Variants in WDPCP observed in about 807,000 individuals in gnomAD.
WDPCP encodes the protein WD repeat containing planar cell polarity effector, also known as WD repeat-containing and planar cell polarity effector protein fritz homolog.
Under a neutral mutation model 93.1 loss-of-function variants are expected in WDPCP, and 71 were observed. That is an observed-to-expected ratio of 0.76 (90% CI 0.63 to 0.93). WDPCP has a LOEUF of 0.93. Among genes scored for constraint, WDPCP ranks in the 40% least tolerant of loss-of-function variants. The pLI, the probability that WDPCP is intolerant of heterozygous loss-of-function variation, is 0.00. For synonymous variants in WDPCP, 315 were observed against 315.0 expected, an observed-to-expected ratio of 1.00 and a Z score of 0.00; for missense variants, 844 against 887.4, an observed-to-expected ratio of 0.95 and a Z score of 0.62.
intron 14 of WDPCP, among the ~76,000 whole-genome samples, chr2:63,247,116 C>T (rs1023670164): frequency 9.2e-5 from 14 of 152,160 alleles, no homozygotes; most frequent in African/African-American, 2.2e-4. Context: ...AAAATGCCAT[C>T]GAACAGGATT....
intron 17 of WDPCP, among the ~76,000 whole-genome samples, chr2:63,123,576 TAA>T (rs1012714021): frequency 6.4e-4 from 98 of 152,238 alleles, no homozygotes; most frequent in African/African-American, 2.3e-3. Flanking sequence ...CATTGCATTT[TAA>T]AAAGACTTCA....
intron 2 of WDPCP, among the ~76,000 whole-genome samples, chr2:63,655,035 G>C (rs941203845): frequency 6.6e-6 from 1 of 152,092 alleles, no homozygotes; most frequent in African/African-American, 2.4e-5. Flanking sequence ...AGAGACTAGA[G>C]AATCACTCAC....
intron 17 of WDPCP, among the ~76,000 whole-genome samples, chr2:63,141,429 T>TAC (rs1307871429): frequency 3.3e-5 from 5 of 152,242 alleles, no homozygotes; most frequent in African/African-American, 9.6e-5. Flanking sequence ...TTGGCTTGCA[T>TAC]ATGTTAAACC....
chr2:63,481,457 C>A, intron 6 of WDPCP, among the ~76,000 whole-genome samples: 1 of 152,002 alleles, frequency 6.6e-6, no homozygotes, highest in South Asian at 2.1e-4. Flanking sequence ...TTTGCAGCAG[C>A]ACAATTCGCA....
intron 6 of WDPCP, among the ~76,000 whole-genome samples, chr2:63,452,365 C>G (rs913102195): frequency 6.6e-6 from 1 of 152,126 alleles, no homozygotes; most frequent in Non-Finnish European, 1.5e-5. Context: ...GAATAAAATA[C>G]CTAGGAATCC....
At chr2:63,384,952 T>C (rs961700731) in intron 10 of WDPCP, among the ~76,000 whole-genome samples, 1 of 151,934 alleles carries the variant, frequency 6.6e-6, no homozygotes, top group African/African-American at 2.4e-5. Flanking sequence ...AATCCAGCAA[T>C]ATATTAAAAA....
At chr2:63,681,034 A>C (rs1052494095) in intron 2 of WDPCP, among the ~76,000 whole-genome samples, 2 of 152,152 alleles carry the variant, frequency 1.3e-5, no homozygotes, top group African/African-American at 4.8e-5. Context: ...TGAAACCAGC[A>C]ATGATACCCT....
At chr2:63,761,564 T>A (rs190127165) in intron 2 of WDPCP, among the ~76,000 whole-genome samples, 2 of 151,786 alleles carry the variant, frequency 1.3e-5, no homozygotes, top group Non-Finnish European at 2.9e-5. Context: ...GGAGAGCCAG[T>A]CCAAGTGCCA....
chr2:63,503,735 G>A (rs1701698694), intron 1 of WDPCP, among the ~76,000 whole-genome samples: 1 of 151,946 alleles, frequency 6.6e-6, no homozygotes, highest in Non-Finnish European at 1.5e-5. Flanking sequence ...TAACTTTGAA[G>A]AGAAAATAAA....
chr2:63,347,125 C>T (rs950825068), intron 12 of WDPCP, among the ~76,000 whole-genome samples: 2 of 152,114 alleles, frequency 1.3e-5, no homozygotes, highest in Non-Finnish European at 2.9e-5. Flanking sequence ...CTTCTGTGTA[C>T]TAGTTACTAT....
At chr2:63,192,234 C>T (rs563489333) in intron 14 of WDPCP, among the ~76,000 whole-genome samples, 1 of 152,244 alleles carries the variant, frequency 6.6e-6, no homozygotes, top group African/African-American at 2.4e-5. Flanking sequence ...GTTTAACTAT[C>T]TGTGATCTTA....
intron 15 of WDPCP, among the ~76,000 whole-genome samples, chr2:63,158,642 C>T (rs1238163985): frequency 6.6e-6 from 1 of 152,066 alleles, no homozygotes; most frequent in Non-Finnish European, 1.5e-5. Context: ...GCATTGCATT[C>T]TTTATCCTCT....
At chr2:63,623,687 C>G (rs1709775148) in intron 3 of WDPCP, among the ~76,000 whole-genome samples, 1 of 152,130 alleles carries the variant, frequency 6.6e-6, no homozygotes, top group Non-Finnish European at 1.5e-5. Context: ...ATTCATAAAG[C>G]AAGTTCTTAG....
At chr2:63,310,409 G>A (rs973114179) in intron 13 of WDPCP, among the ~76,000 whole-genome samples, 7 of 151,796 alleles carry the variant, frequency 4.6e-5, no homozygotes, top group Admixed American at 6.6e-5. Flanking sequence ...GCCTTGTCTC[G>A]TTTCAGTTTA....
chr2:63,547,917 A>G (rs1365460955), intron 1 of WDPCP, among the ~76,000 whole-genome samples: 1 of 152,118 alleles, frequency 6.6e-6, no homozygotes, highest in Non-Finnish European at 1.5e-5. Flanking sequence ...CACATTTCAA[A>G]ATAGCTAGAA....
At chr2:63,153,692 G>C in intron 15 of WDPCP, 118 bp from the exon 16 acceptor site, 1 of 602,978 alleles carries the variant, frequency 1.7e-6, no homozygotes, top group Non-Finnish European at 2.6e-6. Context: ...GTTAAAAAAT[G>C]TAATTAAAAA....
chr2:63,196,798 G>A (rs1314203804), intron 14 of WDPCP, among the ~76,000 whole-genome samples: 2 of 152,184 alleles, frequency 1.3e-5, no homozygotes, highest in Non-Finnish European at 2.9e-5. Context: ...TAGTAAGGAA[G>A]ACATGAGTGC....
intron 13 of WDPCP, among the ~76,000 whole-genome samples, chr2:63,272,939 A>G (rs758845374): frequency 6.6e-6 from 1 of 152,236 alleles, no homozygotes; most frequent in Non-Finnish European, 1.5e-5. Flanking sequence ...AAAGGTTTTC[A>G]AGCCACGTTA....
intron 1 of WDPCP, among the ~76,000 whole-genome samples, chr2:63,560,833 G>A (rs1421506649): frequency 1.3e-5 from 2 of 152,174 alleles, no homozygotes; most frequent in East Asian, 3.8e-4. Flanking sequence ...GGCCTGTTGG[G>A]AGGTAGGGGC....
Sources: allele counts gnomAD v4.1 joint callset (sites outside exome capture counted in the v4.1 genomes callset), GRCh38; gene constraint gnomAD v4.1.1; transcripts MANE v1.5; gene names NCBI Gene and HGNC (gene_info 2026-07-23, HGNC 2026-07-21).